KCNMB2: variants seen among roughly 807,000 people sequenced by gnomAD.
KCNMB2 encodes the protein potassium calcium-activated channel subfamily M regulatory beta subunit 2, also known as calcium-activated potassium channel subunit beta-2.
In KCNMB2, 9 loss-of-function variants were observed where a neutral mutation model predicts 24.5. The ratio of observed to expected loss-of-function variants is 0.37; its 90% confidence interval spans 0.22 to 0.64. The LOEUF (loss-of-function observed/expected upper bound fraction) is 0.64, where lower values mean the gene tolerates loss of function less well. Ranked by LOEUF, KCNMB2 falls within the 30% of genes least tolerant of loss-of-function variation. The pLI is 0.63. For synonymous variants in KCNMB2, 109 were observed against 104.4 expected, an observed-to-expected ratio of 1.04 and a Z score of -0.27; for missense variants, 226 against 284.3, an observed-to-expected ratio of 0.79 and a Z score of 1.47.
chr3:178,814,228 T>C (rs1005377893), intron 2 of KCNMB2, among the ~76,000 whole-genome samples: 5 of 152,272 alleles, frequency 3.3e-5, no homozygotes, highest in African/African-American at 4.8e-5. Context: ...TTAACTCCCA[T>C]GTGTTAAGTG....
chr3:178,643,289 T>C (rs1170763593), intron 1 of KCNMB2, among the ~76,000 whole-genome samples: 2 of 152,142 alleles, frequency 1.3e-5, no homozygotes, highest in African/African-American at 4.8e-5. Context: ...ACTATAAAGA[T>C]GTCAGTCACA....
chr3:178,694,034 T>C (rs1026817449), intron 1 of KCNMB2, among the ~76,000 whole-genome samples: 4 of 152,112 alleles, frequency 2.6e-5, no homozygotes, highest in African/African-American at 7.2e-5. Context: ...AATAAAGACA[T>C]ACCCGACACT....
intron 1 of KCNMB2, among the ~76,000 whole-genome samples, chr3:178,662,254 T>G (rs1241909285): frequency 1.3e-5 from 2 of 152,202 alleles, no homozygotes; most frequent in Non-Finnish European, 2.9e-5. Context: ...CAATTTCTCT[T>G]CACAAGTTCT....
At chr3:178,745,338 C>A (rs569393807) in intron 1 of KCNMB2, among the ~76,000 whole-genome samples, 10 of 152,188 alleles carry the variant, frequency 6.6e-5, no homozygotes, top group Middle Eastern at 3.4e-3. Flanking sequence ...GGAGAACTCC[C>A]CCTTATAATA....
chr3:178,690,420 C>A (rs1721629626), intron 1 of KCNMB2, among the ~76,000 whole-genome samples: 1 of 151,688 alleles, frequency 6.6e-6, no homozygotes, highest in South Asian at 2.1e-4. Context: ...CAATGAACTG[C>A]TGATTTAGGA....
intron 1 of KCNMB2, among the ~76,000 whole-genome samples, chr3:178,582,957 A>G (rs1397544914): frequency 6.6e-6 from 1 of 152,222 alleles, no homozygotes. Context: ...AAAACTGAAG[A>G]AGGAAAGACA....
chr3:178,793,058 T>C (rs532628205), intron 1 of KCNMB2, among the ~76,000 whole-genome samples: 3 of 152,350 alleles, frequency 2.0e-5, no homozygotes, highest in African/African-American at 7.2e-5. Context: ...AGTGCCCATG[T>C]TCTGCTGCTG....
chr3:178,768,086 G>A (rs1357129508), intron 1 of KCNMB2, among the ~76,000 whole-genome samples: 2 of 151,858 alleles, frequency 1.3e-5, no homozygotes, highest in African/African-American at 4.8e-5. Flanking sequence ...GAATTTAAGT[G>A]AAGATAGATT....
intron 3 of KCNMB2, among the ~76,000 whole-genome samples, chr3:178,826,290 C>T (rs1404874156): frequency 6.6e-6 from 1 of 152,200 alleles, no homozygotes; most frequent in Admixed American, 6.5e-5. Flanking sequence ...CCCCCATCAT[C>T]ATCAACCCAG....
chr3:178,692,808 G>T (rs1721730308), intron 1 of KCNMB2, among the ~76,000 whole-genome samples: 1 of 152,152 alleles, frequency 6.6e-6, no homozygotes, highest in African/African-American at 2.4e-5. Context: ...AGTTTAATAA[G>T]AATAGCATTG....
chr3:178,649,431 T>C (rs984609887), intron 1 of KCNMB2, among the ~76,000 whole-genome samples: 1 of 152,098 alleles, frequency 6.6e-6, no homozygotes, highest in African/African-American at 2.4e-5. Context: ...GCAACAGTTC[T>C]CCCAACATCA....
intron 1 of KCNMB2, among the ~76,000 whole-genome samples, chr3:178,759,294 GACATATATATATCTCCA>G (rs1711569713): frequency 9.5e-6 from 1 of 105,102 alleles, no homozygotes; most frequent in South Asian, 2.9e-4. Flanking sequence ...TCCAAGAGGA[GACATATATATATCTCCA>G]AGAGGATATA....
chr3:178,773,830 C>T (rs1356835888), intron 1 of KCNMB2, among the ~76,000 whole-genome samples: 1 of 152,178 alleles, frequency 6.6e-6, no homozygotes, highest in African/African-American at 2.4e-5. Context: ...TTCAGTGTGT[C>T]TTATTAAAAA....
At chr3:178,765,855 TTTAA>T (rs2108416232) in intron 1 of KCNMB2, among the ~76,000 whole-genome samples, 1 of 152,318 alleles carries the variant, frequency 6.6e-6, no homozygotes, top group South Asian at 2.1e-4. Flanking sequence ...TATCATCACA[TTTAA>T]TTAAATGCCT....
At chr3:178,600,506 T>G (rs1718040233) in intron 1 of KCNMB2, among the ~76,000 whole-genome samples, 1 of 152,230 alleles carries the variant, frequency 6.6e-6, no homozygotes, top group African/African-American at 2.4e-5. Context: ...AAGTAAAAGC[T>G]ATACATTGGA....
intron 1 of KCNMB2, among the ~76,000 whole-genome samples, chr3:178,785,055 A>T (rs1362443951): frequency 2.6e-5 from 4 of 152,044 alleles, no homozygotes; most frequent in Admixed American, 2.6e-4. Flanking sequence ...TCAGGCAGAA[A>T]TATGGCCAAA....
At chr3:178,761,066 G>T (rs1393076689) in intron 1 of KCNMB2, among the ~76,000 whole-genome samples, 1 of 152,136 alleles carries the variant, frequency 6.6e-6, no homozygotes, top group East Asian at 1.9e-4. Context: ...CTTCAAAGTG[G>T]CACATCTTTA....
Position 178,828,190 on chromosome 3 carries a change from A to C in KCNMB2, c.240A>C (p.Glu80Asp). 6.2e-7 allele frequency: 1 copy of C among 1,613,488 alleles called. No individual in the cohort carries two copies. The highest frequency in any genetic ancestry group is 8.5e-7 in the Non-Finnish European group (1 of 1,179,568). The change falls in exon 4 of 5, where the codon GAA (glutamate) becomes GAC (aspartate). Residue 80 changes from glutamate to aspartate, a missense_variant. By Grantham distance (45) the Glu-to-Asp change is conservative (BLOSUM62 2). Coordinates refer to ENST00000452583, the MANE Select transcript of KCNMB2 (RefSeq NM_181361.3). ...CCTTTCTCTGCAGCGTGTGGACCGA[A>C]GAGTCTCAATGCACCTTGCTGAATG... ...LRSYMQSVWTEESQCTLLNAS... is the reference protein window; with the variant it reads ...LRSYMQSVWTDESQCTLLNAS...
At chr3:178,642,505 T>C (rs538144996) in intron 1 of KCNMB2, among the ~76,000 whole-genome samples, 85 of 152,286 alleles carry the variant, frequency 5.6e-4, no homozygotes, top group African/African-American at 2.0e-3. Flanking sequence ...ACAGTATGTA[T>C]GAAGCTACCT....
Sources: gnomAD v4.1 joint callset for allele counts (sites outside exome capture counted in the v4.1 genomes callset) on GRCh38, gnomAD v4.1.1 for gene constraint, MANE v1.5 for transcripts, NCBI Gene and HGNC (gene_info 2026-07-23, HGNC 2026-07-21) for gene names.